Variants in ATP9B observed in about 807,000 individuals in gnomAD.
ATP9B encodes the protein ATPase phospholipid transporting 9B.
In ATP9B, 110 loss-of-function variants were observed where a neutral mutation model predicts 146.1. That is an observed-to-expected ratio of 0.75 (90% CI 0.65 to 0.88). ATP9B has a LOEUF of 0.88. Among genes scored for constraint, ATP9B ranks in the 40% least tolerant of loss-of-function variants. ATP9B has a pLI of 0.00. For missense variants in ATP9B, 1,499 were observed against 1,496.4 expected (o/e 1.00, Z -0.03); for synonymous variants, 604 against 569.7 (o/e 1.06, Z -0.86).
rs183285468 is a variant in ATP9B at position 79,332,859 on chromosome 18, G to A, written c.2028+2755G>A. Reference sequence around the variant, plus strand: ...CTATTCCAATTCCTAAACAGGAGACGGGAAGAGACACAGCTGTTGGATGCA... The same window carrying A: ...CTATTCCAATTCCTAAACAGGAGACAGGAAGAGACACAGCTGTTGGATGCA... On this transcript the variant is annotated intron_variant, in intron 17 of 29. Coordinates refer to ENST00000426216, the MANE Select transcript of ATP9B (RefSeq NM_198531.5). The A allele has an allele frequency of 3.9e-5, 6 of 152,260 alleles. No homozygotes were observed. In the East Asian group the frequency reaches 5.8e-4, roughly 15 times the overall value. 9.4% of individuals were successfully genotyped at this position (152,260 alleles called of 1,614,324 possible).
chr18:79,200,253 T>C (rs1294004040), intron 9 of ATP9B, among the ~76,000 whole-genome samples: 1 of 152,232 alleles, frequency 6.6e-6, no homozygotes, highest in Non-Finnish European at 1.5e-5. Context: ...TACTGTGGTT[T>C]GTGCCATCCA....
intron 14 of ATP9B, among the ~76,000 whole-genome samples, chr18:79,304,767 G>C (rs1437313278): frequency 6.6e-6 from 1 of 152,178 alleles, no homozygotes; most frequent in African/African-American, 2.4e-5. Flanking sequence ...TTTTGTGCCT[G>C]TCATAATTTG....
intron 15 of ATP9B, among the ~76,000 whole-genome samples, chr18:79,317,752 A>G (rs915533183): frequency 2.6e-5 from 4 of 152,230 alleles, no homozygotes; most frequent in Non-Finnish European, 5.9e-5. Flanking sequence ...GTAAAAGAGC[A>G]TGTACCTCTC....
chr18:79,185,895 A>G (rs2095304131), intron 8 of ATP9B, among the ~76,000 whole-genome samples: 1 of 152,184 alleles, frequency 6.6e-6, no homozygotes, highest in Non-Finnish European at 1.5e-5. Flanking sequence ...CATCTGGAAG[A>G]GCTGAGGACA....
chr18:79,107,938 T>C (rs1213048456), intron 2 of ATP9B, among the ~76,000 whole-genome samples: 1 of 152,212 alleles, frequency 6.6e-6, no homozygotes, highest in Non-Finnish European at 1.5e-5. Context: ...TTTTCTTGTC[T>C]ATGTGATGTG....
chr18:79,319,008 T>C (rs1425321158), intron 15 of ATP9B, among the ~76,000 whole-genome samples: 1 of 152,188 alleles, frequency 6.6e-6, no homozygotes, highest in Non-Finnish European at 1.5e-5. Context: ...AGTGTGTTTC[T>C]GGGCACAGGG....
chr18:79,208,507 G>A (rs1403493038), intron 10 of ATP9B, among the ~76,000 whole-genome samples: 1 of 152,108 alleles, frequency 6.6e-6, no homozygotes, highest in African/African-American at 2.4e-5. Context: ...TTTAACTGTT[G>A]GCCTGCAGTA....
chr18:79,158,734 C>T (rs372003713), intron 7 of ATP9B, among the ~76,000 whole-genome samples: 3 of 152,314 alleles, frequency 2.0e-5, no homozygotes, highest in African/African-American at 7.2e-5. Context: ...AGTTTATTCA[C>T]ATTTGTGAAA....
At chr18:79,136,406 C>T (rs990243078) in intron 5 of ATP9B, among the ~76,000 whole-genome samples, 4 of 151,918 alleles carry the variant, frequency 2.6e-5, no homozygotes, top group Non-Finnish European at 5.9e-5. Context: ...TGGTTTTGAG[C>T]GATTTGATTA....
chr18:79,178,747 AT>A (rs1488791722), intron 8 of ATP9B, among the ~76,000 whole-genome samples: 2 of 152,090 alleles, frequency 1.3e-5, no homozygotes, highest in East Asian at 3.9e-4. Context: ...TCTTTTTATT[AT>A]GTCACGGTAT....
At chr18:79,223,754 A>T (rs2095703070) in intron 11 of ATP9B, among the ~76,000 whole-genome samples, 1 of 152,216 alleles carries the variant, frequency 6.6e-6, no homozygotes, top group South Asian at 2.1e-4. Context: ...GTAGTTCTTC[A>T]TCTGCAGTGT....
chr18:79,086,404 C>G (rs1327924099), intron 1 of ATP9B: 1 of 116,976 alleles, frequency 8.5e-6, no homozygotes, highest in Non-Finnish European at 1.6e-5. Flanking sequence ...CCACTGCACT[C>G]CAGCCTGGGA....
intron 12 of ATP9B, among the ~76,000 whole-genome samples, chr18:79,261,148 TA>T (rs2096136661): frequency 6.6e-6 from 1 of 152,122 alleles, no homozygotes; most frequent in South Asian, 2.1e-4. Flanking sequence ...GTTGATGCTA[TA>T]ATAGGCCGAG....
At chr18:79,304,131 C>T (rs1184034190) in intron 14 of ATP9B, among the ~76,000 whole-genome samples, 1 of 151,908 alleles carries the variant, frequency 6.6e-6, no homozygotes, top group Admixed American at 6.6e-5. Flanking sequence ...TAGACACCAT[C>T]GTGTTGGGAA....
chr18:79,274,572 CAACCTGTGTGGTATTATACAA>C (rs2096287180), intron 12 of ATP9B, among the ~76,000 whole-genome samples: 1 of 152,080 alleles, frequency 6.6e-6, no homozygotes, highest in Non-Finnish European at 1.5e-5. Context: ...GTATTATATG[CAACCTGTGTGGTATTATACAA>C]AACCCGTGTG....
In ATP9B at chr18:79,347,879, TCGGC is replaced by T; in HGVS notation, c.2794_2797del (p.Gly932SerfsTer49). ...AACAGCTACAAGAGGTCGGCGGCAC[TCGGC>T]CAGTTCGTCATGCACAGGGGCCTTA... On this transcript the variant is annotated frameshift_variant, in exon 24 of 30. Coordinates refer to ENST00000426216, the MANE Select transcript of ATP9B (RefSeq NM_198531.5). LOFTEE classifies it high-confidence loss of function. 6.2e-7 allele frequency: 1 copy of T among 1,613,728 alleles called. No individual in the cohort carries two copies. Among genetic ancestry groups the T allele is most frequent in the Non-Finnish European group, 8.5e-7 (1 of 1,179,906 alleles).
At chr18:79,274,826 A>G (rs896232599) in intron 12 of ATP9B, among the ~76,000 whole-genome samples, 4 of 152,210 alleles carry the variant, frequency 2.6e-5, no homozygotes, top group South Asian at 2.1e-4. Context: ...TCAACTTACC[A>G]TATTTCAGTG....
At chr18:79,256,698 C>T (rs1489644431) in intron 12 of ATP9B, among the ~76,000 whole-genome samples, 2 of 151,988 alleles carry the variant, frequency 1.3e-5, no homozygotes, top group Admixed American at 6.5e-5. Flanking sequence ...TATTTTAAGT[C>T]AGCTCATCTT....
chr18:79,303,085 T>C (rs565228359), intron 13 of ATP9B, among the ~76,000 whole-genome samples: 1 of 152,292 alleles, frequency 6.6e-6, no homozygotes, highest in Admixed American at 6.5e-5. Context: ...TATTAAACGT[T>C]GTTAGAGGCT....
Sources: allele counts gnomAD v4.1 joint callset (sites outside exome capture counted in the v4.1 genomes callset), GRCh38; gene constraint gnomAD v4.1.1; transcripts MANE v1.5; gene names NCBI Gene and HGNC (gene_info 2026-07-23, HGNC 2026-07-21).